The following VPS33A variants were observed in gnomAD, a reference collection of about 807,000 sequenced individuals.
VPS33A encodes the protein VPS33A core subunit of CORVET and HOPS complexes, also known as vacuolar protein sorting-associated protein 33A.
In VPS33A, 32 loss-of-function variants were observed where a neutral mutation model predicts 71.8. The observed-to-expected ratio is 0.45, with a 90% confidence interval of 0.34 to 0.60. The LOEUF is 0.60. Ranked by LOEUF, VPS33A falls within the 20% of genes least tolerant of loss-of-function variation. The pLI, the probability that VPS33A is intolerant of heterozygous loss-of-function variation, is 0.02. For synonymous variants in VPS33A, 311 were observed against 292.7 expected (o/e 1.06, Z -0.64); for missense variants, 625 against 748.5 (o/e 0.84, Z 1.92).
In VPS33A at chr12:122,263,680, A is replaced by G; in HGVS notation, c.188T>C (p.Met63Thr). 1 of 1,610,574 alleles carries G rather than the reference A, an allele frequency of 6.2e-7. No individual in the cohort carries two copies. Among genetic ancestry groups the G allele is most frequent in the Non-Finnish European group, 8.5e-7 (1 of 1,177,668 alleles). The change falls in exon 3 of 13, where the codon ATG becomes ACG. Residue 63 changes from methionine (M) to threonine (T), a missense_variant. Physicochemically the swap from Met to Thr is moderately conservative, Grantham distance 81 (BLOSUM62 -1). Coordinates refer to ENST00000267199, the MANE Select transcript of VPS33A (RefSeq NM_022916.6). ...CAAACGATTTCCTTTAAGTGTGAAC[A>G]TTTTTTCCACTTCATGTTCCTAGGC... ...SLLKEHEVEK[M>T]FTLKGNRLPA...
At chr12:122,254,449 C>A (rs1396913880) in intron 4 of VPS33A, among the ~76,000 whole-genome samples, 2 of 130,754 alleles carry the variant, frequency 1.5e-5, no homozygotes, top group South Asian at 5.3e-4. Flanking sequence ...GTTGCCCAGG[C>A]TGGAGTACAG....
intron 7 of VPS33A, 74 bp from the exon 8 acceptor site, chr12:122,242,582 T>C: frequency 6.7e-7 from 1 of 1,489,886 alleles, no homozygotes; most frequent in Non-Finnish European, 9.0e-7. Context: ...AGAAGGACTC[T>C]CGCTTTGTTG....
chr12:122,247,499 A>AT (rs1282330263), intron 6 of VPS33A, among the ~76,000 whole-genome samples: 3 of 152,074 alleles, frequency 2.0e-5, no homozygotes. Context: ...TAAAGGTGCC[A>AT]TTTTTTTGAC....
At chr12:122,238,278 G>T (rs1954656932) in intron 10 of VPS33A, among the ~76,000 whole-genome samples, 1 of 151,990 alleles carries the variant, frequency 6.6e-6, no homozygotes, top group South Asian at 2.1e-4. Flanking sequence ...TGGAGTGCAG[G>T]GGCATGATCT....
chr12:122,244,182 CA>C (rs1201070257), intron 7 of VPS33A, among the ~76,000 whole-genome samples: 2 of 152,158 alleles, frequency 1.3e-5, no homozygotes, highest in Non-Finnish European at 2.9e-5. Flanking sequence ...GCCGCAGTCA[CA>C]CTGGCTAAAC....
At chr12:122,233,074 A>G in intron 11 of VPS33A, 106 bp from the exon 12 acceptor site, 3 of 1,254,454 alleles carry the variant, frequency 2.4e-6, no homozygotes, top group Admixed American at 3.0e-5. Context: ...ATTTAAAGAT[A>G]TACAACCCCC....
chr12:122,259,338 G>C (rs866079942), intron 4 of VPS33A, among the ~76,000 whole-genome samples: 3 of 152,000 alleles, frequency 2.0e-5, no homozygotes, highest in African/African-American at 7.3e-5. Flanking sequence ...TCCCGCCTCA[G>C]CCTCCCAAGT....
In VPS33A at chr12:122,235,922, G is replaced by C. The variant is rs1357362036; in HGVS notation, c.1304C>G (p.Thr435Arg). ...LDYYKREILQTYGYEHILTLH... is the reference protein window; with the variant it reads ...LDYYKREILQRYGYEHILTLH... ...GGTCAATATGTGCTCATAGCCGTAT[G>C]TCTGCAAGGGAAGTCATTTGGCCTT... The change falls in exon 11 of 13, where the codon ACA (threonine) becomes AGA (arginine). Residue 435 changes from threonine (T) to arginine (R), a missense_variant and splice_region_variant. Physicochemically the swap from Thr to Arg is moderately conservative, Grantham distance 71. Coordinates refer to ENST00000267199, the MANE Select transcript of VPS33A (RefSeq NM_022916.6). 1 of 1,597,514 alleles carries C rather than the reference G, an allele frequency of 6.3e-7. No individual in the cohort carries two copies. Among genetic ancestry groups the C allele is most frequent in the African/African-American group, 1.4e-5 (1 of 74,008 alleles).
At chr12:122,250,918 C>G in intron 5 of VPS33A, 65 bp downstream of exon 5, 1 of 1,181,116 alleles carries the variant, frequency 8.5e-7, no homozygotes, top group South Asian at 1.3e-5. Flanking sequence ...AGGAGCTTCC[C>G]GTTCCTCCTC....
At chr12:122,242,813 C>CA (rs1954732946) in intron 7 of VPS33A, among the ~76,000 whole-genome samples, 1 of 152,152 alleles carries the variant, frequency 6.6e-6, no homozygotes, top group Non-Finnish European at 1.5e-5. Context: ...CTTGGCCTCC[C>CA]AAAGTGTTAG....
chr12:122,243,706 A>G (rs1452577430), intron 7 of VPS33A, among the ~76,000 whole-genome samples: 1 of 152,164 alleles, frequency 6.6e-6, no homozygotes. Flanking sequence ...TACATGGCCT[A>G]GTTCCAAGCC....
intron 6 of VPS33A, 134 bp downstream of exon 6, chr12:122,249,737 T>A: frequency 1.1e-6 from 1 of 936,210 alleles, no homozygotes; most frequent in South Asian, 2.0e-5. Flanking sequence ...TCTGTATTAA[T>A]CTACACTCTG....
chr12:122,242,346 C>T lies in VPS33A; in HGVS notation c.1096+36G>A, dbSNP rs199577171. The T allele has an allele frequency of 8.7e-4, 1,397 of 1,598,938 alleles. 2 individuals carry two copies. The highest frequency in any genetic ancestry group is 8.7e-4 in the Non-Finnish European group (1,014 of 1,167,964). ...TGTCAAACGTTGTATGTGCAAGTAG[C>T]CCCAGACTGAAACAATCATTACAAA... On this transcript the variant is annotated intron_variant, in intron 8 of 12. Transcript: ENST00000267199.
intron 7 of VPS33A, 46 bp downstream of exon 7, chr12:122,244,523 T>A (rs1954752275): frequency 6.6e-7 from 1 of 1,511,478 alleles, no homozygotes; most frequent in African/African-American, 1.4e-5. Flanking sequence ...GGTGGGCATC[T>A]ACCTGAGGCC....
At position 122,231,824 on chromosome 12, in the gene VPS33A, AG is replaced by A. The variant is rs1368221026; in HGVS notation, c.*421del. The A allele has an allele frequency of 3.3e-6, 1 of 302,418 alleles. No individual in the cohort carries two copies. The highest frequency in any genetic ancestry group is 2.1e-5 in the African/African-American group (1 of 46,598). 18.7% of individuals were successfully genotyped at this position (302,418 alleles called of 1,614,324 possible). On this transcript the variant is annotated 3_prime_UTR_variant, in exon 13 of 13. Transcript: ENST00000267199. ...GTAATCCCAGCACTGTGGGAGGCCG[AG>A]GCAGGTGGATCACCTGAGGTCAGGA...
intron 10 of VPS33A, 37 bp downstream of exon 10, chr12:122,238,550 C>A (rs766527797): frequency 6.3e-7 from 1 of 1,589,292 alleles, no homozygotes; most frequent in South Asian, 1.1e-5. Flanking sequence ...AAGATGCTGT[C>A]CCCCTTGGCA....
At chr12:122,240,084 G>A (rs1593198089) in intron 8 of VPS33A, 139 bp from the exon 9 acceptor site, 1 of 647,336 alleles carries the variant, frequency 1.5e-6, no homozygotes, top group East Asian at 2.9e-5. Context: ...TCTCAGCACT[G>A]TAGGGGGCCG....
At position 122,263,567 on chromosome 12, in the gene VPS33A, G is replaced by A. The variant is rs1326692701; in HGVS notation, c.296+5C>T. The A allele has an allele frequency of 1.3e-6, 2 of 1,596,516 alleles. No individual in the cohort carries two copies. Among genetic ancestry groups the A allele is most frequent in the Non-Finnish European group, 1.7e-6 (2 of 1,170,648 alleles). On this transcript the variant is annotated splice_donor_5th_base_variant and intron_variant, in intron 3 of 12. Coordinates refer to ENST00000267199, the MANE Select transcript of VPS33A (RefSeq NM_022916.6). ...CTTTTGGATCAAACACAAGCTCTGA[G>A]ATACCTGAGCACGTTTTCAGCGATT...
At chr12:122,261,757 C>T (rs1021794107) in intron 3 of VPS33A, among the ~76,000 whole-genome samples, 4 of 151,854 alleles carry the variant, frequency 2.6e-5, no homozygotes, top group Non-Finnish European at 5.9e-5. Context: ...AATCCCAGCA[C>T]TTTGGGAGGC....
Sources: gnomAD v4.1 joint callset for allele counts (sites outside exome capture counted in the v4.1 genomes callset) on GRCh38, gnomAD v4.1.1 for gene constraint, MANE v1.5 for transcripts, NCBI Gene and HGNC (gene_info 2026-07-23, HGNC 2026-07-21) for gene names.